Variants in CNST observed in about 807,000 individuals in gnomAD.
CNST encodes consortin.
Under a neutral mutation model 72.4 loss-of-function variants are expected in CNST, and 39 were observed. The ratio of observed to expected loss-of-function variants is 0.54; its 90% CI spans 0.42 to 0.70. CNST has a LOEUF of 0.70. CNST is among the 30% of genes least tolerant of loss of function. CNST has a pLI of 0.00. For synonymous variants in CNST, 332 were observed against 320.1 expected (o/e 1.04, Z -0.40); for missense variants, 871 against 868.5 (o/e 1.00, Z -0.04).
intron 10 of CNST, among the ~76,000 whole-genome samples, chr1:246,663,299 G>C (rs896282772): frequency 6.6e-6 from 1 of 150,530 alleles, no homozygotes; most frequent in East Asian, 1.9e-4. Context: ...TGAGGCTGCA[G>C]TGAGTGTGGC....
intron 2 of CNST, among the ~76,000 whole-genome samples, chr1:246,615,513 C>A (rs1290826919): frequency 6.6e-6 from 1 of 151,570 alleles, no homozygotes; most frequent in Admixed American, 6.6e-5. Flanking sequence ...CTCTTCACAG[C>A]TACTCAGGAG....
chr1:246,578,596 G>A (rs532098927), intron 1 of CNST, among the ~76,000 whole-genome samples: 23 of 152,174 alleles, frequency 1.5e-4, no homozygotes, highest in East Asian at 1.2e-3. Flanking sequence ...GCTTGAACCC[G>A]GGAGGCGGAG....
chr1:246,643,534 A>G (rs779461150), intron 8 of CNST, among the ~76,000 whole-genome samples: 52 of 152,212 alleles, frequency 3.4e-4, no homozygotes, highest in Non-Finnish European at 7.2e-4. Context: ...GCTTTGAGTC[A>G]TGTGGTACAG....
At chr1:246,606,556 G>T (rs1032925379) in intron 2 of CNST, 12 of 152,120 alleles carry the variant, frequency 7.9e-5, no homozygotes, top group Non-Finnish European at 1.8e-4. Context: ...CATTTCCAGG[G>T]CTGAGGCGGT....
chr1:246,627,001 G>C (rs1572199944), intron 3 of CNST, among the ~76,000 whole-genome samples: 1 of 152,190 alleles, frequency 6.6e-6, no homozygotes, highest in East Asian at 1.9e-4. Context: ...AAGTCCTGCA[G>C]ATCTACTTCA....
intron 10 of CNST, among the ~76,000 whole-genome samples, chr1:246,663,365 C>T (rs10924797): frequency 0.68 from 102,806 of 151,220 alleles, 36,279 homozygotes; most frequent in African/African-American, 0.88. Flanking sequence ...AAGACAAGAC[C>T]GAACTGTCCA....
chr1:246,626,286 A>G (rs1472158820), intron 3 of CNST, among the ~76,000 whole-genome samples: 2 of 148,884 alleles, frequency 1.3e-5, no homozygotes, highest in Admixed American at 1.3e-4. Context: ...CCTGGCCTCA[A>G]GTGATCTTCC....
At chr1:246,633,001 T>C (rs1015703212) in intron 4 of CNST, among the ~76,000 whole-genome samples, 1 of 152,198 alleles carries the variant, frequency 6.6e-6, no homozygotes, top group Non-Finnish European at 1.5e-5. Context: ...CAGGATTCCA[T>C]GTGGTCCTGT....
At chr1:246,644,557 G>A (rs1447887590) in intron 8 of CNST, among the ~76,000 whole-genome samples, 1 of 152,214 alleles carries the variant, frequency 6.6e-6, no homozygotes, top group East Asian at 1.9e-4. Flanking sequence ...GAGTTAGCTG[G>A]ACTGGTGATT....
chr1:246,662,454 T>C (rs1667149094), intron 10 of CNST, among the ~76,000 whole-genome samples: 1 of 152,206 alleles, frequency 6.6e-6, no homozygotes, highest in South Asian at 2.1e-4. Flanking sequence ...AGTGGTGCGA[T>C]CTTGGCTCGC....
At chr1:246,642,974 G>C (rs926936450) in intron 8 of CNST, among the ~76,000 whole-genome samples, 2 of 148,726 alleles carry the variant, frequency 1.3e-5, no homozygotes, top group African/African-American at 5.0e-5. Context: ...TCATTGCAGC[G>C]ATCTCCTGGG....
At chr1:246,664,727 T>G (rs1667317831) in intron 10 of CNST, among the ~76,000 whole-genome samples, 1 of 152,136 alleles carries the variant, frequency 6.6e-6, no homozygotes, top group African/African-American at 2.4e-5. Flanking sequence ...CACCCAGCCT[T>G]AACACTGTCT....
At chr1:246,585,505 G>C (rs1572128722) in intron 1 of CNST, among the ~76,000 whole-genome samples, 1 of 151,814 alleles carries the variant, frequency 6.6e-6, no homozygotes, top group Non-Finnish European at 1.5e-5. Flanking sequence ...AAATTAGCCA[G>C]GCGTAGTGGT....
chr1:246,642,836 T>TGA (rs1553383592), intron 8 of CNST, among the ~76,000 whole-genome samples: 1 of 414 alleles, frequency 2.4e-3, no homozygotes, highest in Non-Finnish European at 4.2e-3. Context: ...ATGGTGGTGA[T>TGA]GGATGGTGAT....
At chr1:246,605,094 G>A (rs1030475638) in intron 2 of CNST, among the ~76,000 whole-genome samples, 1 of 152,218 alleles carries the variant, frequency 6.6e-6, no homozygotes, top group African/African-American at 2.4e-5. Flanking sequence ...ATAAGGTCAT[G>A]TAAATTTTGA....
At chr1:246,637,920 A>C (rs1665401445) in intron 6 of CNST, among the ~76,000 whole-genome samples, 1 of 152,190 alleles carries the variant, frequency 6.6e-6, no homozygotes, top group African/African-American at 2.4e-5. Context: ...GCCATTTATC[A>C]GGTGAGTGAA....
At chr1:246,653,074 A>C (rs1221141428) in intron 9 of CNST, among the ~76,000 whole-genome samples, 1 of 152,158 alleles carries the variant, frequency 6.6e-6, no homozygotes, top group Non-Finnish European at 1.5e-5. Flanking sequence ...TGTCTAGATT[A>C]GCAACATTTA....
chr1:246,574,684 C>T (rs1161459034), intron 1 of CNST, among the ~76,000 whole-genome samples: 1 of 152,010 alleles, frequency 6.6e-6, no homozygotes, highest in Non-Finnish European at 1.5e-5. Context: ...GCCTTGGCCT[C>T]CCAAAGCACA....
At chr1:246,615,411 G>A (rs941044746) in intron 2 of CNST, among the ~76,000 whole-genome samples, 3 of 151,744 alleles carry the variant, frequency 2.0e-5, no homozygotes, top group Non-Finnish European at 4.4e-5. Flanking sequence ...TCCTGACCTC[G>A]TGATCCGCCT....
Sources: gnomAD v4.1 joint callset for allele counts (sites outside exome capture counted in the v4.1 genomes callset) on GRCh38, gnomAD v4.1.1 for gene constraint, MANE v1.5 for transcripts, NCBI Gene and HGNC (gene_info 2026-07-23, HGNC 2026-07-21) for gene names.